ASB3: variants seen among roughly 807,000 people sequenced by gnomAD.
ASB3 encodes ankyrin repeat and SOCS box containing 3, also known as ankyrin repeat and SOCS box protein 3.
In ASB3, 41 loss-of-function variants were observed where a neutral mutation model predicts 54.5. That is an observed-to-expected ratio of 0.75 (90% CI 0.59 to 0.98). The LOEUF (loss-of-function observed/expected upper bound fraction) is 0.98. ASB3 is among the 50% of genes least tolerant of loss of function. The probability of loss-of-function intolerance (pLI) is 0.00; values close to 1 mark genes in which losing one functional copy is unlikely to be tolerated. For synonymous variants in ASB3, 266 were observed against 221.2 expected, an observed-to-expected ratio of 1.20 and a Z score of -1.80; for missense variants, 733 against 620.0, an observed-to-expected ratio of 1.18 and a Z score of -1.94.
At position 53,700,438 on chromosome 2, in the gene ASB3, C is replaced by T. The variant is rs987601228; in HGVS notation, c.1071G>A (p.Lys357=). 6.8e-6 allele frequency: 11 copies of T among 1,613,974 alleles called. No individual in the cohort carries two copies. Among genetic ancestry groups the T allele is most frequent in the Non-Finnish European group, 9.3e-6 (11 of 1,180,004 alleles). ...LHLAYCLKYE[K]FSIFRYFLRK... is the part of the protein sequence containing the mutation. ...TCAAAAAGTAGCGAAATATCGAAAA[C>T]TTCTCGTACTTCAGGCAGTATGCCA... The change falls in exon 8 of 10, where the codon AAG becomes AAA. Residue 357 remains lysine, a synonymous_variant. Coordinates refer to ENST00000263634, the MANE Select transcript of ASB3 (RefSeq NM_016115.5).
intron 3 of ASB3, among the ~76,000 whole-genome samples, chr2:53,747,594 G>C (rs768348597): frequency 6.6e-6 from 1 of 152,192 alleles, no homozygotes; most frequent in Non-Finnish European, 1.5e-5. Context: ...TTGTTTAAGA[G>C]AGGTCTTCTC....
chr2:53,749,990 C>A (rs1672430349), intron 3 of ASB3, among the ~76,000 whole-genome samples: 1 of 152,042 alleles, frequency 6.6e-6, no homozygotes, highest in East Asian at 1.9e-4. Context: ...TCACAGACAA[C>A]TCATTTCATT....
intron 7 of ASB3, among the ~76,000 whole-genome samples, chr2:53,704,139 T>A (rs1277217427): frequency 6.6e-6 from 1 of 151,772 alleles, no homozygotes; most frequent in Non-Finnish European, 1.5e-5. Context: ...GGCGGACAGA[T>A]CACTTGAGGC....
chr2:53,743,327 TA>T (rs1278442809), intron 3 of ASB3, among the ~76,000 whole-genome samples: 4 of 152,074 alleles, frequency 2.6e-5, no homozygotes, highest in Non-Finnish European at 5.9e-5. Flanking sequence ...TTTGAACATG[TA>T]AAAACTCAGG....
chr2:53,737,528 A>G (rs1388522777), intron 3 of ASB3, among the ~76,000 whole-genome samples: 2 of 152,172 alleles, frequency 1.3e-5, no homozygotes, highest in Admixed American at 1.3e-4. Context: ...TTAAGGGTCA[A>G]GAATGGAACA....
intron 5 of ASB3, among the ~76,000 whole-genome samples, chr2:53,720,717 C>T (rs1406128315): frequency 2.0e-5 from 3 of 152,180 alleles, no homozygotes; most frequent in African/African-American, 7.2e-5. Flanking sequence ...GTAAATTCAA[C>T]ATTTGACCAA....
At chr2:53,764,791 T>G (rs1238751537) in intron 2 of ASB3, among the ~76,000 whole-genome samples, 10 of 152,230 alleles carry the variant, frequency 6.6e-5, no homozygotes, top group African/African-American at 2.4e-4. Flanking sequence ...GCACACCATT[T>G]TTGTCTATCC....
At chr2:53,691,333 G>T (rs1042196261) in intron 9 of ASB3, among the ~76,000 whole-genome samples, 2 of 152,084 alleles carry the variant, frequency 1.3e-5, no homozygotes, top group African/African-American at 4.8e-5. Context: ...ATAAAAAATG[G>T]GAGAAAAATA....
chr2:53,746,253 C>T (rs1026961949), intron 3 of ASB3, among the ~76,000 whole-genome samples: 3 of 152,050 alleles, frequency 2.0e-5, no homozygotes, highest in African/African-American at 7.2e-5. Flanking sequence ...TATGATTTTG[C>T]CACTGCACTC....
intron 3 of ASB3, among the ~76,000 whole-genome samples, chr2:53,749,568 G>C (rs773579958): frequency 3.3e-5 from 5 of 152,034 alleles, no homozygotes; most frequent in Non-Finnish European, 7.4e-5. Flanking sequence ...CTGATAAATG[G>C]ATAAACTGTA....
chr2:53,778,150 A>C (rs1674450736), intron 1 of ASB3, among the ~76,000 whole-genome samples: 1 of 88,828 alleles, frequency 1.1e-5, no homozygotes, highest in South Asian at 3.0e-4. Flanking sequence ...TTCTTGTCTC[A>C]AAAAAAAAAA....
intron 2 of ASB3, among the ~76,000 whole-genome samples, chr2:53,761,691 C>A (rs1166624422): frequency 6.6e-6 from 1 of 152,182 alleles, no homozygotes; most frequent in Non-Finnish European, 1.5e-5. Context: ...TATGATGGGA[C>A]TTCTCAGCTC....
intron 9 of ASB3, 134 bp from the exon 10 acceptor site, chr2:53,670,824 C>G: frequency 2.0e-6 from 2 of 1,018,574 alleles, no homozygotes; most frequent in South Asian, 1.8e-5. Context: ...TACTTTGAGT[C>G]AGTATGACCA....
chr2:53,755,472 C>A (rs993088855), intron 2 of ASB3, among the ~76,000 whole-genome samples: 1 of 152,168 alleles, frequency 6.6e-6, no homozygotes, highest in Non-Finnish European at 1.5e-5. Context: ...AGTATTAAGA[C>A]CAGAATATTT....
intron 1 of ASB3, among the ~76,000 whole-genome samples, chr2:53,765,842 C>A (rs985536472): frequency 2.1e-4 from 32 of 152,168 alleles, no homozygotes; most frequent in African/African-American, 7.7e-4. Context: ...TATCTTTCCT[C>A]CTCTGGAAAT....
At chr2:53,759,592 C>T (rs532999760) in intron 2 of ASB3, among the ~76,000 whole-genome samples, 1 of 152,218 alleles carries the variant, frequency 6.6e-6, no homozygotes, top group East Asian at 1.9e-4. Flanking sequence ...AAGAAAAAGG[C>T]CACCACTTTA....
At chr2:53,727,140 A>G (rs1489669298) in intron 5 of ASB3, among the ~76,000 whole-genome samples, 2 of 152,214 alleles carry the variant, frequency 1.3e-5, no homozygotes, top group African/African-American at 4.8e-5. Context: ...GCACTTAAAC[A>G]TTCACAGTCT....
intron 6 of ASB3, among the ~76,000 whole-genome samples, chr2:53,715,767 T>G (rs1433567968): frequency 6.6e-6 from 1 of 152,194 alleles, no homozygotes; most frequent in Non-Finnish European, 1.5e-5. Context: ...TAAAGTACTG[T>G]GTCACCTAGT....
chr2:53,727,709 C>A (rs978804757), intron 5 of ASB3, among the ~76,000 whole-genome samples: 2 of 151,962 alleles, frequency 1.3e-5, no homozygotes, highest in Non-Finnish European at 2.9e-5. Flanking sequence ...TTATAAAAAG[C>A]CTGGGTTTTC....
Sources: allele counts gnomAD v4.1 joint callset (sites outside exome capture counted in the v4.1 genomes callset), GRCh38; gene constraint gnomAD v4.1.1; transcripts MANE v1.5; gene names NCBI Gene and HGNC (gene_info 2026-07-23, HGNC 2026-07-21).